GLE1: variants seen among roughly 807,000 people sequenced by gnomAD.
GLE1 encodes the protein GLE1 RNA export mediator, also known as mRNA export factor GLE1.
A neutral mutation model predicts 97.3 loss-of-function variants in GLE1; 78 were observed. The ratio of observed to expected loss-of-function variants is 0.80; its 90% confidence interval spans 0.67 to 0.97. The LOEUF (loss-of-function observed/expected upper bound fraction) is 0.97. Ranked by LOEUF, GLE1 falls within the 50% of genes least tolerant of loss-of-function variation. The probability of loss-of-function intolerance (pLI) is 0.00; values close to 1 mark genes in which losing one functional copy is unlikely to be tolerated. For missense variants in GLE1, 753 were observed against 857.5 expected (o/e 0.88, Z 1.52); for synonymous variants, 302 against 313.4 (o/e 0.96, Z 0.39).
chr9:128,542,107 C>G lies in GLE1; in HGVS notation c.*937C>G, dbSNP rs1031688762. 3.3e-5 allele frequency: 5 copies of G among 152,214 alleles called. No individual in the cohort carries two copies. The highest frequency in any genetic ancestry group is 1.2e-4 in the African/African-American group (5 of 41,442). 9.4% of individuals were successfully genotyped at this position (152,214 alleles called of 1,614,324 possible). On this transcript the variant is annotated 3_prime_UTR_variant, in exon 16 of 16. Transcript: ENST00000309971. ...AATTTGTTTTGTGGAAAGACTAATT[C>G]TCTTTGATACTGCAGAGGCAGTGGC...
intron 3 of GLE1, among the ~76,000 whole-genome samples, chr9:128,521,346 C>A (rs982871493): frequency 6.6e-6 from 1 of 151,990 alleles, no homozygotes. Context: ...CCATCCTGGG[C>A]AATATAGTGA....
rs1846589067 is a variant in GLE1, at chr9:128,504,752, G to A, written c.-54G>A. 2 of 1,236,312 alleles carry A rather than the reference G, an allele frequency of 1.6e-6. No homozygotes were observed. Among genetic ancestry groups the A allele is most frequent in the Admixed American group, 3.4e-5 (2 of 59,568 alleles). 76.6% of individuals were successfully genotyped at this position (1,236,312 alleles called of 1,614,324 possible). A position where few individuals can be genotyped will look rare whatever the true frequency, so the allele number is the denominator to read the frequency against. On this transcript the variant is annotated 5_prime_UTR_variant, in exon 1 of 16. Coordinates refer to ENST00000309971, the MANE Select transcript of GLE1 (RefSeq NM_001003722.2). ...GTGTGGCCTTCCCGGCGGCTGATTC[G>A]AGGGCTTGTTTGGTCAGAAGGGGGG...
Position 128,533,748 on chromosome 9 carries a change from T to G in GLE1, c.1456-13T>G, listed in dbSNP as rs757115852. 13 of 1,613,722 alleles carry G rather than the reference T, an allele frequency of 8.1e-6. No homozygotes were observed. The highest frequency in any genetic ancestry group is 5.0e-5 in the Admixed American group (3 of 60,000). On this transcript the variant is annotated splice_polypyrimidine_tract_variant and intron_variant, in intron 10 of 15. Coordinates refer to ENST00000309971, the MANE Select transcript of GLE1 (RefSeq NM_001003722.2). Reference sequence around the variant, plus strand: ...GTATTAAGTTAAAATTGTACCCACCTCTATGTTCTCAGAAACAAGGCGAGG... The same window carrying G: ...GTATTAAGTTAAAATTGTACCCACCGCTATGTTCTCAGAAACAAGGCGAGG...
At chr9:128,516,597 G>A (rs1020406657) in intron 3 of GLE1, among the ~76,000 whole-genome samples, 4 of 152,210 alleles carry the variant, frequency 2.6e-5, no homozygotes, top group Admixed American at 1.3e-4. Context: ...GGGATTACAG[G>A]CATGAGCCAC....
At chr9:128,511,002 G>A (rs1846802164) in intron 2 of GLE1, among the ~76,000 whole-genome samples, 1 of 151,104 alleles carries the variant, frequency 6.6e-6, no homozygotes, top group South Asian at 2.1e-4. Context: ...GAGATCAGTA[G>A]TTCGAGAGCA....
chr9:128,507,579 GTC>G (rs1213522397), intron 1 of GLE1, among the ~76,000 whole-genome samples: 4 of 134,478 alleles, frequency 3.0e-5, no homozygotes, highest in African/African-American at 5.6e-5. Flanking sequence ...ATGAGAGCCT[GTC>G]TCTCAAAAAA....
rs1589075213 is a variant in GLE1, at chr9:128,536,400, C to T, written c.1692C>T (p.Asp564=). Residue 564 remains aspartate (D), a synonymous_variant, in exon 12 of 16, where the codon GAC becomes GAT. Transcript: ENST00000309971. ...AGGATTCCAAAGTGGAGCAGCAAGA[C>T]AACTTTCTAAAACGCATGTCAGGGA... ...QVKDSKVEQQ[D]NFLKRMSGMI... 6.2e-7 allele frequency: 1 copy of T among 1,614,030 alleles called. No individual in the cohort carries two copies. Among genetic ancestry groups the T allele is most frequent in the East Asian group, 2.2e-5 (1 of 44,884 alleles).
At chr9:128,523,187 G>A (rs1847202973) in intron 4 of GLE1, 93 bp from the exon 5 acceptor site, 2 of 951,776 alleles carry the variant, frequency 2.1e-6, no homozygotes, top group East Asian at 4.8e-5. Context: ...GGAAGGAAGG[G>A]AAGGGAGGGC....
intron 13 of GLE1, among the ~76,000 whole-genome samples, chr9:128,538,562 C>T (rs1347440666): frequency 1.3e-5 from 2 of 151,990 alleles, no homozygotes; most frequent in Non-Finnish European, 2.9e-5. Flanking sequence ...TTTGGGAGGC[C>T]GAGGTGGTTG....
rs1384563975 is a variant in GLE1 at position 128,533,616 on chromosome 9, G to T, written c.1416G>T (p.Gly472=). Residue 472 remains glycine (G), a synonymous_variant, in exon 10 of 16, where the codon GGG becomes GGT. Coordinates refer to ENST00000309971, the MANE Select transcript of GLE1 (RefSeq NM_001003722.2). ...TGTCTGTCACACTTAACCCACAGGG[G>T]CTGGACTTTGTTCAATACAAACTGG... is the stretch of plus-strand genomic sequence containing the variant. The part of the protein sequence containing the change: ...RSVSVTLNPQ[G]LDFVQYKLAE... 1 of 1,613,962 alleles carries T rather than the reference G, an allele frequency of 6.2e-7. No homozygotes were observed. The highest frequency in any genetic ancestry group is 8.5e-7 in the Non-Finnish European group (1 of 1,180,002).
chr9:128,526,102 A>T (rs1173095616), intron 7 of GLE1, among the ~76,000 whole-genome samples: 4 of 149,266 alleles, frequency 2.7e-5, no homozygotes, highest in Non-Finnish European at 3.0e-5. Flanking sequence ...GCTCTCTGCA[A>T]CCTCTGCCTC....
In GLE1 at chr9:128,527,507, CA is replaced by C. The variant is rs2132474290; in HGVS notation, c.1297del (p.Ile433SerfsTer9). ...LQKAATIPVS[Q>X]ISTIAGSKLK... ...GAAGGCTGCTACCATCCCAGTGAGC[CA>C]AATCTCTACCATTGCAGGTTGGTCA... On this transcript the variant is annotated frameshift_variant, in exon 9 of 16. Transcript: ENST00000309971. LOFTEE classifies it high-confidence loss of function. The C allele has an allele frequency of 1.2e-6, 2 of 1,610,424 alleles. No homozygotes were observed. Among genetic ancestry groups the C allele is most frequent in the Non-Finnish European group, 1.7e-6 (2 of 1,176,666 alleles).
chr9:128,533,055 C>T (rs556838004), intron 9 of GLE1, among the ~76,000 whole-genome samples: 1 of 152,210 alleles, frequency 6.6e-6, no homozygotes, highest in South Asian at 2.1e-4. Flanking sequence ...TTTATGTGTA[C>T]AGTAAGGGAT....
In GLE1 at chr9:128,505,147, C is replaced by T. The variant is rs536901566; in HGVS notation, c.99+243C>T. On this transcript the variant is annotated intron_variant, in intron 1 of 15. Coordinates refer to ENST00000309971, the MANE Select transcript of GLE1 (RefSeq NM_001003722.2). ...GCGCTCTGAAGGCTTCATTGCTACC[C>T]TCCGCCAGTTGGGCGCCTTCTCCGT... 2.9e-3 allele frequency among the ~76,000 whole-genome samples: 447 copies of T among 152,328 alleles called. 1 individual carries two copies. Among genetic ancestry groups the T allele is most frequent in the African/African-American group, 9.0e-3 (375 of 41,572 alleles).
chr9:128,524,783 T>A (rs1273052231), intron 6 of GLE1, among the ~76,000 whole-genome samples: 1 of 151,858 alleles, frequency 6.6e-6, no homozygotes, highest in Non-Finnish European at 1.5e-5. Flanking sequence ...TCCCAGCTAC[T>A]TGGGAAGCTG....
chr9:128,539,176 G>A (rs1175090004), intron 13 of GLE1, among the ~76,000 whole-genome samples: 5 of 152,176 alleles, frequency 3.3e-5, no homozygotes, highest in Non-Finnish European at 5.9e-5. Context: ...TGAGGCTACA[G>A]TGAGCTGTGA....
intron 9 of GLE1, among the ~76,000 whole-genome samples, chr9:128,527,995 C>CT (rs1165193901): frequency 3.3e-5 from 4 of 121,754 alleles, no homozygotes; most frequent in Non-Finnish European, 5.1e-5. Context: ...TTTTTTTTTT[C>CT]TTTTTTTCTT....
chr9:128,529,342 C>T (rs1235232973), intron 9 of GLE1, among the ~76,000 whole-genome samples: 3 of 152,176 alleles, frequency 2.0e-5, no homozygotes, highest in Non-Finnish European at 1.5e-5. Flanking sequence ...TCTTAGTCTC[C>T]TGTGTCACTG....
Position 128,523,852 on chromosome 9 carries a change from G to C in GLE1, c.897+6G>C. ...TCATCCGGGCCTCTTCAGAGGTGAG[G>C]GGGGCTTCAGAGTGACTCTTTGCTG... On this transcript the variant is annotated splice_donor_region_variant and intron_variant, in intron 6 of 15. Coordinates refer to ENST00000309971, the MANE Select transcript of GLE1 (RefSeq NM_001003722.2). 6.2e-7 allele frequency: 1 copy of C among 1,613,836 alleles called. No homozygotes were observed. The highest frequency in any genetic ancestry group is 8.5e-7 in the Non-Finnish European group (1 of 1,179,976).
Sources: allele counts gnomAD v4.1 joint callset (sites outside exome capture counted in the v4.1 genomes callset), GRCh38; gene constraint gnomAD v4.1.1; transcripts MANE v1.5; gene names NCBI Gene and HGNC (gene_info 2026-07-23, HGNC 2026-07-21).